Variants in SVIL observed in about 807,000 individuals in gnomAD.
SVIL encodes archvillin.
SVIL carries 101 observed loss-of-function variants against 240.4 expected under a neutral mutation model. The ratio of observed to expected loss-of-function variants is 0.42; its 90% CI spans 0.36 to 0.50. SVIL has a LOEUF of 0.50. Ranked by LOEUF, SVIL falls within the 20% of genes least tolerant of loss-of-function variation. The pLI, the probability that SVIL is intolerant of heterozygous loss-of-function variation, is 0.01. For synonymous variants in SVIL, 999 were observed against 1,100.0 expected, an observed-to-expected ratio of 0.91 and a Z score of 1.82; for missense variants, 2,512 against 2,818.7, an observed-to-expected ratio of 0.89 and a Z score of 2.46.
intron 6 of SVIL, among the ~76,000 whole-genome samples, chr10:29,548,630 C>A (rs1284252276): frequency 1.3e-5 from 2 of 152,108 alleles, no homozygotes; most frequent in Non-Finnish European, 2.9e-5. Flanking sequence ...CTCACACATA[C>A]CTGTGTCCTA....
In SVIL at chr10:29,499,205, G is replaced by T. The variant is rs1326765146; in HGVS notation, c.3575C>A (p.Thr1192Asn). The T allele has an allele frequency of 1.2e-6, 2 of 1,614,202 alleles. No individual in the cohort carries two copies. The highest frequency in any genetic ancestry group is 1.7e-6 in the Non-Finnish European group (2 of 1,180,040). Reference protein sequence around the residue: ...MTIEERKQLITVREEAWKTRG... With the variant: ...MTIEERKQLINVREEAWKTRG... Reference sequence around the variant, plus strand: ...CGTCTTCCAGGCCTCCTCTCTCACAGTGATGAGCTGCTTCCTCTCCTCAAT... The same window carrying T: ...CGTCTTCCAGGCCTCCTCTCTCACATTGATGAGCTGCTTCCTCTCCTCAAT... The change falls in exon 18 of 38, where the codon ACT becomes AAT. Residue 1192 changes from threonine (T) to asparagine (N), a missense_variant. Coordinates refer to ENST00000355867, the MANE Select transcript of SVIL (RefSeq NM_021738.3).
intron 1 of SVIL, among the ~76,000 whole-genome samples, chr10:29,732,889 C>G (rs185521249): frequency 3.3e-5 from 5 of 151,682 alleles, no homozygotes. Context: ...ACCATCTTGG[C>G]CATTAGAATA....
intron 17 of SVIL, among the ~76,000 whole-genome samples, chr10:29,505,025 G>A (rs966762484): frequency 4.6e-5 from 7 of 152,020 alleles, no homozygotes; most frequent in Admixed American, 3.3e-4. Flanking sequence ...AAAGAAAAAA[G>A]CTTTCAAGCC....
At chr10:29,622,746 A>G (rs1182086505) in intron 1 of SVIL, among the ~76,000 whole-genome samples, 5 of 152,174 alleles carry the variant, frequency 3.3e-5, no homozygotes, top group African/African-American at 1.2e-4. Flanking sequence ...AAGAACAACC[A>G]AGCAGCCAAA....
At chr10:29,729,651 T>C (rs12762820) in intron 1 of SVIL, among the ~76,000 whole-genome samples, 1 of 135,782 alleles carries the variant, frequency 7.4e-6, no homozygotes, top group African/African-American at 2.9e-5. Flanking sequence ...CTGGCCAACA[T>C]AGTGAAACCC....
intron 1 of SVIL, among the ~76,000 whole-genome samples, chr10:29,626,557 G>A (rs927605095): frequency 6.6e-6 from 1 of 152,192 alleles, no homozygotes; most frequent in Non-Finnish European, 1.5e-5. Flanking sequence ...ACGGTCTCAG[G>A]CATCCCTGAG....
chr10:29,498,891 A>G (rs1362296574), intron 18 of SVIL, among the ~76,000 whole-genome samples: 1 of 152,178 alleles, frequency 6.6e-6, no homozygotes, highest in Non-Finnish European at 1.5e-5. Context: ...TGTGGTGGGA[A>G]GATTGCTTCA....
chr10:29,731,239 T>C (rs77206160), intron 1 of SVIL, among the ~76,000 whole-genome samples: 4,627 of 152,336 alleles, frequency 0.03, 96 homozygotes, highest in Non-Finnish European at 0.046. Flanking sequence ...GGCCCAACCC[T>C]TATTCATCTT....
At chr10:29,605,233 G>A (rs554029049) in intron 1 of SVIL, among the ~76,000 whole-genome samples, 2 of 152,250 alleles carry the variant, frequency 1.3e-5, no homozygotes, top group Admixed American at 6.5e-5. Context: ...AGTCCTCTAC[G>A]GATGGGCCTT....
intron 1 of SVIL, among the ~76,000 whole-genome samples, chr10:29,576,702 G>C (rs1168486120): frequency 6.6e-6 from 1 of 152,082 alleles, no homozygotes; most frequent in Non-Finnish European, 1.5e-5. Context: ...GTGCCAACAT[G>C]CCTGGTTAAT....
At chr10:29,459,917 C>A (rs867397204) in intron 36 of SVIL, among the ~76,000 whole-genome samples, 4 of 151,978 alleles carry the variant, frequency 2.6e-5, no homozygotes, top group African/African-American at 4.8e-5. Flanking sequence ...ATGATGAGAC[C>A]CTGTCTCTAT....
At chr10:29,609,264 A>G (rs1366228487) in intron 1 of SVIL, among the ~76,000 whole-genome samples, 1 of 152,230 alleles carries the variant, frequency 6.6e-6, no homozygotes, top group Non-Finnish European at 1.5e-5. Context: ...GTGGGTGGTG[A>G]CATGCTCCTG....
At chr10:29,735,986 G>A (rs2132731447), upstream of SVIL, among the ~76,000 whole-genome samples, 1 of 152,288 alleles carries the variant, frequency 6.6e-6, no homozygotes, top group Middle Eastern at 3.4e-3. The surrounding 1 kb of genome is among the most constrained non-coding windows in gnomAD (Gnocchi z 4.1). Context: ...GGGCCACCAG[G>A]CGGGAGCACC....
At chr10:29,507,482 C>T (rs917700091) in intron 17 of SVIL, among the ~76,000 whole-genome samples, 2 of 152,026 alleles carry the variant, frequency 1.3e-5, no homozygotes, top group African/African-American at 4.8e-5. Flanking sequence ...TAAACACACA[C>T]ATACGTACAC....
chr10:29,655,098 T>G (rs2133021522), intron 3 of SVIL, among the ~76,000 whole-genome samples: 1 of 152,270 alleles, frequency 6.6e-6, no homozygotes, highest in Middle Eastern at 3.4e-3. Context: ...GGTTGACAAA[T>G]GTATTAGGGT....
In SVIL at chr10:29,536,030, A is replaced by G. The variant is rs1426750301; in HGVS notation, c.867T>C (p.Asp289=). The change falls in exon 7 of 38, where the codon GAT becomes GAC. Residue 289 remains aspartate, a synonymous_variant. Coordinates refer to ENST00000355867, the MANE Select transcript of SVIL (RefSeq NM_021738.3). ...KPKHEWFLQK[D]SEGDTPSLIN... is the part of the protein sequence containing the mutation. ...TAAGTGAAGGTGTGTCCCCTTCGGA[A>G]TCTTTCTGGAGAAACCACTCATGTT... 6.2e-7 allele frequency: 1 copy of G among 1,614,114 alleles called. No individual in the cohort carries two copies. Among genetic ancestry groups the G allele is most frequent in the East Asian group, 2.2e-5 (1 of 44,902 alleles).
At chr10:29,666,414 GC>G (rs1335158164) in intron 2 of SVIL, among the ~76,000 whole-genome samples, 1 of 152,184 alleles carries the variant, frequency 6.6e-6, no homozygotes, top group African/African-American at 2.4e-5. Flanking sequence ...CTTTGTCACT[GC>G]AAAAGTCCCA....
rs1291738286 is a variant in SVIL at position 29,529,885 on chromosome 10, A to G, written c.2107-41T>C. The G allele has an allele frequency of 3.2e-6, 5 of 1,566,542 alleles. No individual in the cohort carries two copies. In the African/African-American group the frequency reaches 5.5e-5, roughly 17 times the overall value. Reference sequence around the variant, plus strand: ...TTGTGGAACCCTTATAAATTCAAGGAAAGAGCTGGGCACGGTGGCTCACGC... The same window carrying G: ...TTGTGGAACCCTTATAAATTCAAGGGAAGAGCTGGGCACGGTGGCTCACGC... On this transcript the variant is annotated intron_variant, in intron 11 of 37. Coordinates refer to ENST00000355867, the MANE Select transcript of SVIL (RefSeq NM_021738.3).
chr10:29,473,377 GT>G (rs1249654436), intron 30 of SVIL, among the ~76,000 whole-genome samples: 2 of 152,126 alleles, frequency 1.3e-5, no homozygotes, highest in Non-Finnish European at 2.9e-5. Flanking sequence ...TAAGGTTCTC[GT>G]GACAAAATTT....
Sources: gnomAD v4.1 joint callset for allele counts (sites outside exome capture counted in the v4.1 genomes callset) on GRCh38, gnomAD v4.1.1 for gene constraint, Gnocchi (gnomAD v3.1) non-coding constraint, MANE v1.5 for transcripts, NCBI Gene and HGNC (gene_info 2026-07-23, HGNC 2026-07-21) for gene names.